Variants in KALRN observed in about 807,000 individuals in gnomAD.
KALRN encodes the protein kalirin RhoGEF kinase.
Under a neutral mutation model 353.7 loss-of-function variants are expected in KALRN, and 70 were observed. The ratio of observed to expected loss-of-function variants is 0.20; its 90% CI spans 0.16 to 0.24. The LOEUF is 0.24. Ranked by LOEUF, KALRN falls within the 10% of genes least tolerant of loss-of-function variation. The pLI is 1.00. For missense variants in KALRN, 2,791 were observed against 3,756.7 expected (o/e 0.74, Z 6.72); for synonymous variants, 1,391 against 1,434.8 (o/e 0.97, Z 0.69).
At position 124,612,781 on chromosome 3, in the gene KALRN, T is replaced by C. The variant is rs1188049604; in HGVS notation, c.5183-19639T>C. ...CTTTGTCTGTCTCCTACACTTGCTA[T>C]AGCTCAGCATCAGGAACAGCTCCTG... On this transcript the variant is annotated intron_variant, in intron 34 of 59. Coordinates refer to ENST00000682506, the MANE Select transcript of KALRN (RefSeq NM_001388419.1). Among the ~76,000 whole-genome samples the C allele has an allele frequency of 4.6e-5, 7 of 152,348 alleles. No individual in the cohort carries two copies. The South Asian group carries it at 8.3e-4, about 18-fold the overall frequency.
At chr3:124,187,480 C>T (rs1053986716) in intron 1 of KALRN, among the ~76,000 whole-genome samples, 1 of 152,180 alleles carries the variant, frequency 6.6e-6, no homozygotes. Context: ...AGCAGCTGTT[C>T]AGTCTCTATT....
intron 1 of KALRN, among the ~76,000 whole-genome samples, chr3:124,213,992 T>C (rs970002717): frequency 1.3e-5 from 2 of 152,214 alleles, no homozygotes; most frequent in African/African-American, 2.4e-5. Flanking sequence ...AGATATTCTA[T>C]ATATGAAGGA....
chr3:124,106,974 T>C (rs1204275289), intron 1 of KALRN, among the ~76,000 whole-genome samples: 1 of 152,202 alleles, frequency 6.6e-6, no homozygotes, highest in African/African-American at 2.4e-5. Context: ...CTATCCTTCC[T>C]TGTTATCACT....
At chr3:124,264,117 T>G (rs186238344) in intron 3 of KALRN, among the ~76,000 whole-genome samples, 2 of 151,754 alleles carry the variant, frequency 1.3e-5, no homozygotes, top group East Asian at 1.9e-4. Flanking sequence ...GGTGAGTATC[T>G]CTAATCCGAA....
At chr3:124,405,010 A>G (rs1284650048) in intron 13 of KALRN, among the ~76,000 whole-genome samples, 1 of 151,984 alleles carries the variant, frequency 6.6e-6, no homozygotes, top group Non-Finnish European at 1.5e-5. Context: ...ATCTTTGTGC[A>G]CTCTTCCTAG....
chr3:124,353,804 T>G (rs992603121), intron 10 of KALRN, among the ~76,000 whole-genome samples: 4 of 152,060 alleles, frequency 2.6e-5, no homozygotes, highest in African/African-American at 9.7e-5. Flanking sequence ...GCAGAAAAAT[T>G]AATGTCATGA....
rs150642919 is a variant in KALRN, at chr3:124,671,490, A to G, written c.6704-170A>G. On this transcript the variant is annotated intron_variant, in intron 47 of 59. Coordinates refer to ENST00000682506, the MANE Select transcript of KALRN (RefSeq NM_001388419.1). ...CATATGGCACCGTTTTGTTTTTTGT[A>G]TTTTCATTATTTAGGTAGATGTCTT... Among the ~76,000 whole-genome samples the G allele has an allele frequency of 5.0e-3, 758 of 152,100 alleles. 2 individuals carry two copies. Among genetic ancestry groups the G allele is most frequent in the Non-Finnish European group, 9.0e-3 (609 of 67,980 alleles).
At position 124,395,285 on chromosome 3, in the gene KALRN, G is replaced by T; in HGVS notation, c.2113G>T (p.Asp705Tyr). Residue 705 changes from aspartate to tyrosine, a missense_variant, in exon 12 of 60, where the codon GAC (aspartate) becomes TAC (tyrosine). Asp to Tyr is a radical substitution (Grantham distance 160). Coordinates refer to ENST00000682506, the MANE Select transcript of KALRN (RefSeq NM_001388419.1). ...ACTCAATGTCATCAAGGAAGGCGAA[G>T]ACCTTATCCAGCAGCTCAGGTCAGC... is the stretch of plus-strand genomic sequence containing the variant. ...ATLNVIKEGEDLIQQLRSAPP... is the reference protein window; with the variant it reads ...ATLNVIKEGEYLIQQLRSAPP... The T allele has an allele frequency of 6.2e-7, 1 of 1,613,648 alleles. No individual in the cohort carries two copies. The highest frequency in any genetic ancestry group is 8.5e-7 in the Non-Finnish European group (1 of 1,179,952).
At chr3:124,441,895 G>T in intron 18 of KALRN, 50 bp from the exon 19 acceptor site, 1 of 1,187,774 alleles carries the variant, frequency 8.4e-7, no homozygotes. Flanking sequence ...CATTGTCTTG[G>T]ATTCCATACA....
intron 56 of KALRN, among the ~76,000 whole-genome samples, chr3:124,700,736 G>T (rs192303659): frequency 6.6e-6 from 1 of 152,092 alleles, no homozygotes; most frequent in Admixed American, 6.5e-5. Context: ...AGCAGTGGGT[G>T]GGGGGCAGCT....
chr3:124,552,671 C>T (rs1023510972), intron 33 of KALRN, among the ~76,000 whole-genome samples: 7 of 152,082 alleles, frequency 4.6e-5, no homozygotes, highest in African/African-American at 7.2e-5. Flanking sequence ...ATCTTTGAAC[C>T]GTGGGTTTGG....
chr3:124,180,234 C>T (rs1015089993), intron 1 of KALRN, among the ~76,000 whole-genome samples: 5 of 152,176 alleles, frequency 3.3e-5, no homozygotes, highest in Admixed American at 6.5e-5. Context: ...ACTTTTGGCA[C>T]GAGTGCCTGG....
chr3:124,589,355 G>T (rs918386325), intron 34 of KALRN, among the ~76,000 whole-genome samples: 1 of 152,192 alleles, frequency 6.6e-6, no homozygotes, highest in African/African-American at 2.4e-5. Context: ...CAGCACTTTG[G>T]AAGGCCAAGG....
intron 6 of KALRN, among the ~76,000 whole-genome samples, chr3:124,320,364 A>G (rs988287317): frequency 1.3e-5 from 2 of 152,238 alleles, no homozygotes; most frequent in Non-Finnish European, 2.9e-5. Flanking sequence ...CTGTAGCCCC[A>G]TTAACTGGAA....
At chr3:124,501,322 G>A (rs141008000) in intron 33 of KALRN, among the ~76,000 whole-genome samples, 191 of 152,274 alleles carry the variant, frequency 1.3e-3, no homozygotes, top group Non-Finnish European at 1.9e-3. Flanking sequence ...GTGAAATGTG[G>A]GCTGATAATG....
intron 10 of KALRN, among the ~76,000 whole-genome samples, chr3:124,368,215 A>G: frequency 8.0e-6 from 1 of 124,812 alleles, no homozygotes; most frequent in African/African-American, 3.4e-5. Flanking sequence ...TCCCTCCCGG[A>G]CAGCACGGCT....
chr3:124,176,809 T>C (rs1434927694), intron 1 of KALRN, among the ~76,000 whole-genome samples: 1 of 152,226 alleles, frequency 6.6e-6, no homozygotes, highest in East Asian at 1.9e-4. Flanking sequence ...AGATTAGTTC[T>C]CTCCTTGCTT....
At chr3:124,451,324 AC>A (rs894634291) in intron 21 of KALRN, among the ~76,000 whole-genome samples, 1 of 151,896 alleles carries the variant, frequency 6.6e-6, no homozygotes, top group Non-Finnish European at 1.5e-5. Flanking sequence ...GAATTACTGA[AC>A]CCCTCTTTTG....
chr3:124,198,145 G>A (rs1399618937), intron 1 of KALRN, among the ~76,000 whole-genome samples: 1 of 152,182 alleles, frequency 6.6e-6, no homozygotes, highest in Non-Finnish European at 1.5e-5. Flanking sequence ...GGAAAGAAGG[G>A]TAGATTTTGG....
Sources: gnomAD v4.1 joint callset for allele counts (sites outside exome capture counted in the v4.1 genomes callset) on GRCh38, gnomAD v4.1.1 for gene constraint, MANE v1.5 for transcripts, NCBI Gene and HGNC (gene_info 2026-07-23, HGNC 2026-07-21) for gene names.